The following HCN1 variants were observed in gnomAD, a reference collection of about 807,000 sequenced individuals.
The protein encoded by HCN1 is hyperpolarization activated cyclic nucleotide gated potassium channel 1, also known as potassium/sodium hyperpolarization-activated cyclic nucleotide-gated channel 1.
HCN1 carries 13 observed loss-of-function variants against 78.9 expected under a neutral mutation model. That is an observed-to-expected ratio of 0.16 (90% CI 0.11 to 0.26). HCN1 has a LOEUF of 0.26. HCN1 is among the 10% of genes least tolerant of loss of function. The probability of loss-of-function intolerance (pLI) is 1.00; values close to 1 mark genes in which losing one functional copy is unlikely to be tolerated. For missense variants in HCN1, 810 were observed against 1,154.3 expected (o/e 0.70, Z 4.32); for synonymous variants, 552 against 455.5 (o/e 1.21, Z -2.70).
At chr5:45,528,524 G>A (rs1004974677) in intron 2 of HCN1, among the ~76,000 whole-genome samples, 1 of 151,872 alleles carries the variant, frequency 6.6e-6, no homozygotes, top group African/African-American at 2.4e-5. Context: ...AGCTTAAGAG[G>A]AGGGAAAAGC....
At chr5:45,331,711 G>C (rs888123014) in intron 5 of HCN1, among the ~76,000 whole-genome samples, 11 of 151,272 alleles carry the variant, frequency 7.3e-5, no homozygotes, top group African/African-American at 2.4e-4. Context: ...TAATTTATTT[G>C]ATGATTGCAA....
chr5:45,531,476 T>A (rs1054586344), intron 2 of HCN1, among the ~76,000 whole-genome samples: 3 of 152,186 alleles, frequency 2.0e-5, no homozygotes, highest in Non-Finnish European at 4.4e-5. Context: ...ATCCTGGTAC[T>A]CTACTAGTCC....
intron 1 of HCN1, among the ~76,000 whole-genome samples, chr5:45,693,024 T>C (rs1213967464): frequency 2.0e-5 from 3 of 152,182 alleles, no homozygotes; most frequent in Non-Finnish European, 2.9e-5. Flanking sequence ...TTTGACATTT[T>C]AGGAATTGTA....
intron 4 of HCN1, among the ~76,000 whole-genome samples, chr5:45,371,969 T>C (rs1468497389): frequency 1.6e-5 from 1 of 63,186 alleles, no homozygotes; most frequent in Non-Finnish European, 2.7e-5. Flanking sequence ...TTATATATTA[T>C]ATTATGTATA....
At chr5:45,589,086 A>C (rs1028422867) in intron 2 of HCN1, among the ~76,000 whole-genome samples, 2 of 152,192 alleles carry the variant, frequency 1.3e-5, no homozygotes, top group Non-Finnish European at 2.9e-5. Context: ...AATTCCCAGA[A>C]AAGATAAAAG....
chr5:45,666,055 C>T (rs955260998), intron 1 of HCN1, among the ~76,000 whole-genome samples: 11 of 152,102 alleles, frequency 7.2e-5, no homozygotes, highest in African/African-American at 2.4e-4. Context: ...TTGAGCTTAC[C>T]AACTCCTCCA....
At chr5:45,548,664 G>C (rs1472373764) in intron 2 of HCN1, among the ~76,000 whole-genome samples, 1 of 151,980 alleles carries the variant, frequency 6.6e-6, no homozygotes, top group Non-Finnish European at 1.5e-5. Context: ...GGCAAGAGAA[G>C]GAAATAAAGG....
chr5:45,271,316 G>A (rs889886915), intron 6 of HCN1, among the ~76,000 whole-genome samples: 2 of 150,728 alleles, frequency 1.3e-5, no homozygotes, highest in Non-Finnish European at 3.0e-5. Context: ...GCTGTTTGGG[G>A]CATTGTCTAC....
intron 6 of HCN1, among the ~76,000 whole-genome samples, chr5:45,281,681 G>A (rs542723606): frequency 7.0e-6 from 1 of 142,688 alleles, no homozygotes; most frequent in Admixed American, 7.8e-5. Flanking sequence ...TCCGCTTCCT[G>A]GGTTCAAGCA....
chr5:45,573,225 C>G (rs1229449671), intron 2 of HCN1, among the ~76,000 whole-genome samples: 1 of 152,096 alleles, frequency 6.6e-6, no homozygotes, highest in Non-Finnish European at 1.5e-5. Flanking sequence ...AAATCTATTA[C>G]TCTTTTCTGC....
chr5:45,442,592 A>T (rs1740700318), intron 3 of HCN1, among the ~76,000 whole-genome samples: 2 of 151,972 alleles, frequency 1.3e-5, no homozygotes, highest in Admixed American at 1.3e-4. Context: ...TATATATGTA[A>T]GGTAGTTACC....
intron 2 of HCN1, among the ~76,000 whole-genome samples, chr5:45,504,905 G>A (rs1579936951): frequency 6.6e-6 from 1 of 152,178 alleles, no homozygotes; most frequent in Non-Finnish European, 1.5e-5. Context: ...CTTCTTTTGA[G>A]AAGTGTCTGT....
At position 45,486,987 on chromosome 5, in the gene HCN1, T is replaced by C. The variant is rs144352859; in HGVS notation, c.850-24980A>G. Among the ~76,000 whole-genome samples, 692 of 152,212 alleles carry C rather than the reference T, an allele frequency of 4.5e-3. 3 individuals carry two copies. Among genetic ancestry groups the C allele is most frequent in the Non-Finnish European group, 7.3e-3 (497 of 67,948 alleles). ...GTCTCTACTGCCTAATTTTCACAAG[T>C]GTCTCTTCTATGTTTCCATTGGTGT... On this transcript the variant is annotated intron_variant, in intron 2 of 7. Transcript: ENST00000303230.
At chr5:45,539,680 A>T (rs1347030771) in intron 2 of HCN1, among the ~76,000 whole-genome samples, 1 of 148,692 alleles carries the variant, frequency 6.7e-6, no homozygotes, top group East Asian at 2.2e-4. Flanking sequence ...AAAAGAAAGA[A>T]AACAATATTT....
chr5:45,323,384 T>C (rs1461801923), intron 5 of HCN1, among the ~76,000 whole-genome samples: 21 of 151,854 alleles, frequency 1.4e-4, no homozygotes, highest in Admixed American at 1.4e-3. Flanking sequence ...ACAATTTAAA[T>C]TATATAATTC....
At chr5:45,590,166 C>G (rs1045131872) in intron 2 of HCN1, among the ~76,000 whole-genome samples, 1 of 152,076 alleles carries the variant, frequency 6.6e-6, no homozygotes, top group African/African-American at 2.4e-5. Flanking sequence ...TTATTTAATG[C>G]TAGTTAATTT....
At chr5:45,480,971 T>C (rs1741638521) in intron 2 of HCN1, among the ~76,000 whole-genome samples, 1 of 152,236 alleles carries the variant, frequency 6.6e-6, no homozygotes, top group African/African-American at 2.4e-5. Flanking sequence ...CCTAACCTAG[T>C]AGTTCCATTA....
intron 2 of HCN1, among the ~76,000 whole-genome samples, chr5:45,620,347 C>G (rs191898985): frequency 1.1e-4 from 17 of 152,030 alleles, no homozygotes; most frequent in African/African-American, 3.6e-4. Flanking sequence ...TATACCCAAT[C>G]TAATTTCTTA....
rs1021320142 is a variant in HCN1, at chr5:45,558,947, G to A, written c.849+86238C>T. On this transcript the variant is annotated intron_variant, in intron 2 of 7. Transcript: ENST00000303230. ...TTTTTTTTTTTTTTTTTTTTTTAGG[G>A]ATGGGATCTTGCTAGATTGCTCAGG... The A allele has an allele frequency of 2.1e-5, 3 of 141,804 alleles. No individual in the cohort carries two copies. The East Asian group carries it at 6.1e-4, about 29-fold the overall frequency. The allele number at this position is 141,804 out of a possible 1,614,324, so 8.8% of individuals were successfully genotyped here. A position where few individuals can be genotyped will look rare whatever the true frequency, so the allele number is the denominator to read the frequency against.
Sources: allele counts gnomAD v4.1 joint callset (sites outside exome capture counted in the v4.1 genomes callset), GRCh38; gene constraint gnomAD v4.1.1; transcripts MANE v1.5; gene names NCBI Gene and HGNC (gene_info 2026-07-23, HGNC 2026-07-21).